Variants in ANKRD6 observed in about 807,000 individuals in gnomAD.
The protein encoded by ANKRD6 is ankyrin repeat domain-containing protein 6.
ANKRD6 carries 56 observed loss-of-function variants against 82.3 expected under a neutral mutation model. The ratio of observed to expected loss-of-function variants is 0.68; its 90% CI spans 0.55 to 0.85. The LOEUF is 0.85. Among genes scored for constraint, ANKRD6 ranks in the 40% least tolerant of loss-of-function variants. The pLI is 0.00. For synonymous variants in ANKRD6, 347 were observed against 352.1 expected, an observed-to-expected ratio of 0.99 and a Z score of 0.16; for missense variants, 852 against 907.6, an observed-to-expected ratio of 0.94 and a Z score of 0.79.
chr6:89,503,120 G>A (rs1317442563), intron 1 of ANKRD6, among the ~76,000 whole-genome samples: 1 of 152,170 alleles, frequency 6.6e-6, no homozygotes, highest in African/African-American at 2.4e-5. Context: ...TCTCACTGAG[G>A]TTAGTAATTG....
chr6:89,443,330 T>C (rs1013339836), intron 1 of ANKRD6, among the ~76,000 whole-genome samples: 5 of 152,176 alleles, frequency 3.3e-5, no homozygotes, highest in African/African-American at 1.2e-4. Flanking sequence ...ATTTTTGGCT[T>C]AAATGTAAGA....
Position 89,612,258 on chromosome 6 carries a change from T to TGCCTCTCTCC in ANKRD6, c.418-13_418-4dup. On this transcript the variant is annotated splice_polypyrimidine_tract_variant and intron_variant, in intron 5 of 15. Coordinates refer to ENST00000339746, the MANE Select transcript of ANKRD6 (RefSeq NM_001242809.2). ...GTTGCTAATATGTCCTCCCTCTCTC[T>TGCCTCTCTCC]GCCTCTCTCCAAGGCGGGGAACACA... 2.6e-6 allele frequency: 4 copies of TGCCTCTCTCC among 1,552,616 alleles called. No individual in the cohort carries two copies. The highest frequency in any genetic ancestry group is 3.5e-6 in the Non-Finnish European group (4 of 1,146,984).
intron 2 of ANKRD6, among the ~76,000 whole-genome samples, chr6:89,580,797 C>T (rs1792347482): frequency 1.3e-5 from 2 of 152,116 alleles, no homozygotes; most frequent in Non-Finnish European, 2.9e-5. Context: ...GGCCTGAACT[C>T]GTGTTTGCCG....
chr6:89,623,189 C>T (rs1455728142), intron 10 of ANKRD6, among the ~76,000 whole-genome samples: 1 of 151,954 alleles, frequency 6.6e-6, no homozygotes, highest in East Asian at 1.9e-4. Context: ...AGCTTAGGAC[C>T]TAATAAATAC....
Position 89,623,425 on chromosome 6 carries a change from G to A in ANKRD6, c.913G>A (p.Gly305Arg). 6.2e-7 allele frequency: 1 copy of A among 1,612,730 alleles called. No individual in the cohort carries two copies. Among genetic ancestry groups the A allele is most frequent in the East Asian group, 2.2e-5 (1 of 44,840 alleles). The change falls in exon 11 of 16, where the codon GGA (glycine) becomes AGA (arginine). Residue 305 changes from glycine (G) to arginine (R), a missense_variant. Coordinates refer to ENST00000339746, the MANE Select transcript of ANKRD6 (RefSeq NM_001242809.2). ...CCTTCTGTAGGGCAGTGTCTCAGCA[G>A]GAGACACCCCCAGCAGTGAACAGGC... Reference protein sequence around the residue: ...VAQSKGSVSAGDTPSSEQAVA... With the variant: ...VAQSKGSVSARDTPSSEQAVA...
intron 3 of ANKRD6, chr6:89,601,619 A>AT (rs538709886): frequency 2.6e-4 from 40 of 152,290 alleles, no homozygotes; most frequent in Non-Finnish European, 5.3e-4. Context: ...TTTAACTAGG[A>AT]TTTTTTATTG....
Position 89,614,842 on chromosome 6 carries a change from A to AC in ANKRD6, c.615+952_615+953insC, listed in dbSNP as rs558714192. On this transcript the variant is annotated intron_variant, in intron 7 of 15. Coordinates refer to ENST00000339746, the MANE Select transcript of ANKRD6 (RefSeq NM_001242809.2). ...TGAGACCCCGTCTCTTTAAAGGAAAAAAAAAAAAACAAAAAAAAAAACCCA... is the reference window on the plus strand; with the variant it reads ...TGAGACCCCGTCTCTTTAAAGGAAAACAAAAAAAAACAAAAAAAAAAACCCA... Among the ~76,000 whole-genome samples the AC allele has an allele frequency of 3.9e-4, 58 of 147,960 alleles. No individual in the cohort carries two copies. In the South Asian group the frequency reaches 0.012, roughly 32 times the overall value.
intron 1 of ANKRD6, among the ~76,000 whole-genome samples, chr6:89,551,259 G>A (rs4706344): frequency 0.16 from 24,403 of 152,144 alleles, 2,468 homozygotes; most frequent in East Asian, 0.23. Flanking sequence ...CCTCACGCTG[G>A]TATGCTCACT....
At chr6:89,512,639 A>G (rs1780691583) in intron 1 of ANKRD6, among the ~76,000 whole-genome samples, 1 of 152,120 alleles carries the variant, frequency 6.6e-6, no homozygotes, top group Non-Finnish European at 1.5e-5. Flanking sequence ...TGGAGGAGAT[A>G]TTTTCAGTGC....
intron 1 of ANKRD6, among the ~76,000 whole-genome samples, chr6:89,498,092 T>G (rs1194069028): frequency 6.6e-6 from 1 of 152,220 alleles, no homozygotes; most frequent in Non-Finnish European, 1.5e-5. Context: ...AACTTTGAAT[T>G]GTGGCAAATT....
At chr6:89,501,168 A>C (rs1292087120) in intron 1 of ANKRD6, among the ~76,000 whole-genome samples, 4 of 152,176 alleles carry the variant, frequency 2.6e-5, no homozygotes, top group Non-Finnish European at 2.9e-5. Context: ...ACTTGTCTTT[A>C]TATGGAACAT....
At chr6:89,617,518 C>T (rs937336525) in intron 8 of ANKRD6, among the ~76,000 whole-genome samples, 1 of 152,256 alleles carries the variant, frequency 6.6e-6, no homozygotes, top group African/African-American at 2.4e-5. Context: ...CCTCCGGCGT[C>T]TTCCCACTGT....
At chr6:89,561,922 C>A (rs1787484252) in intron 1 of ANKRD6, among the ~76,000 whole-genome samples, 2 of 152,168 alleles carry the variant, frequency 1.3e-5, no homozygotes, top group African/African-American at 4.8e-5. Flanking sequence ...TCCATTGCCC[C>A]ATTACCCTTG....
At chr6:89,584,987 CA>C (rs1793394870) in intron 2 of ANKRD6, among the ~76,000 whole-genome samples, 1 of 152,066 alleles carries the variant, frequency 6.6e-6, no homozygotes, top group Non-Finnish European at 1.5e-5. Context: ...TTTCCTCATC[CA>C]ATCCTAATTA....
intron 2 of ANKRD6, among the ~76,000 whole-genome samples, chr6:89,579,283 G>A (rs2128110299): frequency 1.3e-5 from 2 of 152,324 alleles, no homozygotes; most frequent in Middle Eastern, 6.8e-3. Context: ...ATCAGTATAT[G>A]CAAACTACTT....
chr6:89,445,690 C>G (rs565526073), intron 1 of ANKRD6, among the ~76,000 whole-genome samples: 5 of 152,042 alleles, frequency 3.3e-5, no homozygotes, highest in Non-Finnish European at 7.4e-5. Flanking sequence ...GTGATCTGCC[C>G]GCCTCGGCCT....
At chr6:89,615,366 C>T (rs1208080738) in intron 7 of ANKRD6, among the ~76,000 whole-genome samples, 1 of 152,150 alleles carries the variant, frequency 6.6e-6, no homozygotes, top group African/African-American at 2.4e-5. Flanking sequence ...CAGCCACTGA[C>T]CTAATCAAGT....
intron 1 of ANKRD6, among the ~76,000 whole-genome samples, chr6:89,527,621 A>AAAAAAAAAAAAAAAAAAAAAAAAAG (rs1554227725): frequency 6.7e-6 from 1 of 148,656 alleles, no homozygotes; most frequent in African/African-American, 2.6e-5. Flanking sequence ...AAAAAAAAAA[A>AAAAAAAAAAAAAAAAAAAAAAAAAG]AAAAAGAAAA....
intron 5 of ANKRD6, among the ~76,000 whole-genome samples, chr6:89,607,724 C>T (rs896148333): frequency 6.8e-6 from 1 of 147,518 alleles, no homozygotes; most frequent in African/African-American, 2.5e-5. Context: ...GGCACACTGT[C>T]GGCTTATTGC....
Sources: allele counts gnomAD v4.1 joint callset (sites outside exome capture counted in the v4.1 genomes callset), GRCh38; gene constraint gnomAD v4.1.1; transcripts MANE v1.5; gene names NCBI Gene and HGNC (gene_info 2026-07-23, HGNC 2026-07-21).